The following DACH2 variants were observed in gnomAD, a reference collection of about 807,000 sequenced individuals.
The protein encoded by DACH2 is dachshund homolog 2.
In DACH2, 17 loss-of-function variants were observed where a neutral mutation model predicts 35.8. That is an observed-to-expected ratio of 0.48 (90% CI 0.33 to 0.71). The LOEUF (loss-of-function observed/expected upper bound fraction) is 0.71, where lower values mean the gene tolerates loss of function less well. Ranked by LOEUF, DACH2 falls within the 30% of genes least tolerant of loss-of-function variation. DACH2 has a pLI of 0.02. For missense variants in DACH2, 469 were observed against 472.7 expected (o/e 0.99, Z 0.07); for synonymous variants, 195 against 177.3 (o/e 1.10, Z -0.79).
intron 1 of DACH2, among the ~76,000 whole-genome samples, chrX:86,311,031 T>C (rs1273889359): frequency 1.8e-5 from 2 of 109,318 alleles, no homozygotes; most frequent in Non-Finnish European, 3.8e-5. Flanking sequence ...TGCTGGGTGC[T>C]CAGTTTTCCA....
At chrX:86,668,776 T>C (rs1338790294) in intron 4 of DACH2, among the ~76,000 whole-genome samples, 1 of 111,726 alleles carries the variant, frequency 9.0e-6, no homozygotes, top group East Asian at 2.8e-4. Context: ...TTATTTTCAA[T>C]ATGTTGCAGT....
chrX:86,815,811 A>G, intron 10 of DACH2, among the ~76,000 whole-genome samples: 1 of 109,587 alleles, frequency 9.1e-6, no homozygotes, highest in Non-Finnish European at 1.9e-5. Context: ...AAATAGAGGT[A>G]TTTACAATAT....
chrX:86,777,655 T>G (rs1362916804), intron 7 of DACH2, among the ~76,000 whole-genome samples: 1 of 111,440 alleles, frequency 9.0e-6, no homozygotes, highest in Non-Finnish European at 1.9e-5. Flanking sequence ...ATAGCTTAAA[T>G]AAATCCCCTA....
chrX:86,775,441 C>T (rs952288832), intron 7 of DACH2, among the ~76,000 whole-genome samples: 6 of 111,205 alleles, frequency 5.4e-5, no homozygotes, highest in South Asian at 3.8e-4. Flanking sequence ...TTGTAAACTG[C>T]GCATGCGAGG....
chrX:86,719,481 G>A (rs950659616), intron 6 of DACH2, among the ~76,000 whole-genome samples: 3 of 111,361 alleles, frequency 2.7e-5, no homozygotes, highest in African/African-American at 9.8e-5. Flanking sequence ...CTGGCTGGGT[G>A]TATTAGTTCA....
intron 4 of DACH2, among the ~76,000 whole-genome samples, chrX:86,672,471 C>A (rs909134439): frequency 9.0e-6 from 1 of 111,284 alleles, no homozygotes; most frequent in Non-Finnish European, 1.9e-5. Context: ...GACCCAGGAC[C>A]CCAATGCCCT....
intron 2 of DACH2, among the ~76,000 whole-genome samples, chrX:86,494,330 C>G (rs773370708): frequency 8.9e-6 from 1 of 111,743 alleles, no homozygotes; most frequent in South Asian, 3.8e-4. Flanking sequence ...CTTTCTGGGT[C>G]AACGTTTAGA....
intron 7 of DACH2, among the ~76,000 whole-genome samples, chrX:86,800,449 C>T (rs901924196): frequency 2.7e-5 from 3 of 111,410 alleles, no homozygotes; most frequent in African/African-American, 9.8e-5. Context: ...ATCCTTGCCT[C>T]TTTGGATATA....
At chrX:86,223,989 G>C (rs919526861) in intron 1 of DACH2, among the ~76,000 whole-genome samples, 1 of 111,491 alleles carries the variant, frequency 9.0e-6, no homozygotes, top group African/African-American at 3.3e-5. Context: ...TATCAAAGAG[G>C]GTTCTCTTTG....
rs953751360 is a variant in DACH2, at chrX:86,369,763, G to A, written c.489-7061G>A. Among the ~76,000 whole-genome samples the A allele has an allele frequency of 2.7e-5, 3 of 111,224 alleles. No individual in the cohort carries two copies. In the South Asian group the frequency reaches 1.1e-3, roughly 42 times the overall value. ...TATATTTTTACCAATCAATAATTCA[G>A]TATATTTGCTGCCATCAATAAGTTT... On this transcript the variant is annotated intron_variant, in intron 1 of 11. Coordinates refer to ENST00000373125, the MANE Select transcript of DACH2 (RefSeq NM_053281.3).
chrX:86,401,255 C>T (rs760049506), intron 2 of DACH2, among the ~76,000 whole-genome samples: 6 of 112,186 alleles, frequency 5.3e-5, no homozygotes, highest in East Asian at 2.8e-4. Context: ...GGGAGTGACC[C>T]GATTTTCCAG....
chrX:86,296,175 C>T (rs958091531), intron 1 of DACH2, among the ~76,000 whole-genome samples: 1 of 106,063 alleles, frequency 9.4e-6, no homozygotes, highest in Admixed American at 1.0e-4. Context: ...GTCAGGAGAT[C>T]GAGACCATCC....
intron 1 of DACH2, among the ~76,000 whole-genome samples, chrX:86,323,867 G>A (rs2035062100): frequency 8.9e-6 from 1 of 112,239 alleles, no homozygotes; most frequent in Non-Finnish European, 1.9e-5. Flanking sequence ...CCGGTGGCTA[G>A]CCCTCATGGC....
At chrX:86,526,690 G>A (rs1175410250) in intron 3 of DACH2, among the ~76,000 whole-genome samples, 1 of 110,367 alleles carries the variant, frequency 9.1e-6, no homozygotes, top group Non-Finnish European at 1.9e-5. Flanking sequence ...CTCTTTTAAT[G>A]TATACCTGAA....
intron 3 of DACH2, among the ~76,000 whole-genome samples, chrX:86,590,495 T>C (rs1338734419): frequency 8.9e-6 from 1 of 112,045 alleles, no homozygotes; most frequent in African/African-American, 3.2e-5. Context: ...GCTTCCAAGT[T>C]TTAGTAATTA....
chrX:86,253,649 G>A (rs957432286), intron 1 of DACH2, among the ~76,000 whole-genome samples: 7 of 111,577 alleles, frequency 6.3e-5, no homozygotes, highest in African/African-American at 2.3e-4. Context: ...TTGGTATAAC[G>A]TGTGACTCCC....
At chrX:86,796,353 T>G (rs948801966) in intron 7 of DACH2, among the ~76,000 whole-genome samples, 1 of 111,431 alleles carries the variant, frequency 9.0e-6, no homozygotes, top group African/African-American at 3.3e-5. Flanking sequence ...CCTTGGTGTG[T>G]TTACAATCCT....
At chrX:86,288,318 C>G (rs2034196126) in intron 1 of DACH2, among the ~76,000 whole-genome samples, 1 of 112,283 alleles carries the variant, frequency 8.9e-6, no homozygotes, top group Admixed American at 9.4e-5. Context: ...ACTTCTGTGA[C>G]TGCACTGGGT....
At chrX:86,653,619 T>C (rs906419414) in intron 4 of DACH2, among the ~76,000 whole-genome samples, 9 of 111,060 alleles carry the variant, frequency 8.1e-5, no homozygotes, top group Non-Finnish European at 1.5e-4. Context: ...AAGGATCTTA[T>C]TTCTCCTTCG....
Sources: gnomAD v4.1 joint callset for allele counts (sites outside exome capture counted in the v4.1 genomes callset) on GRCh38, gnomAD v4.1.1 for gene constraint, MANE v1.5 for transcripts, NCBI Gene and HGNC (gene_info 2026-07-23, HGNC 2026-07-21) for gene names.